TECRL: variants seen among roughly 807,000 people sequenced by gnomAD.
The protein encoded by TECRL is trans-2,3-enoyl-CoA reductase like, also known as trans-2,3-enoyl-CoA reductase-like.
A neutral mutation model predicts 52.8 loss-of-function variants in TECRL; 63 were observed. That is an observed-to-expected ratio of 1.19 (90% CI 0.97 to 1.47). The LOEUF is 1.47. Among genes scored for constraint, TECRL ranks in the 40% most tolerant of loss-of-function variants. The probability of loss-of-function intolerance (pLI) is 0.00; values close to 1 mark genes in which losing one functional copy is unlikely to be tolerated. For missense variants in TECRL, 482 were observed against 429.6 expected (o/e 1.12, Z -1.08); for synonymous variants, 164 against 141.9 (o/e 1.16, Z -1.10).
intron 1 of TECRL, 37 bp downstream of exon 1, chr4:64,409,081 T>TAAAC (rs762674486): frequency 2.1e-6 from 3 of 1,444,902 alleles, no homozygotes; most frequent in African/African-American, 1.4e-5. Flanking sequence ...AAGAAACACT[T>TAAAC]AAACAAACAA....
At chr4:64,368,240 A>T (rs904897780) in intron 2 of TECRL, among the ~76,000 whole-genome samples, 2 of 152,088 alleles carry the variant, frequency 1.3e-5, no homozygotes, top group Non-Finnish European at 1.5e-5. Flanking sequence ...CTATTTCTCC[A>T]TCTAAAATGT....
downstream of TECRL, chr4:64,277,151 C>CA (rs760996080): frequency 3.0e-5 from 24 of 791,754 alleles, 1 homozygote; most frequent in South Asian, 2.3e-5. Context: ...ATAACTGATA[C>CA]AAAAAAAGTA....
intron 8 of TECRL, among the ~76,000 whole-genome samples, chr4:64,290,460 T>C (rs534593396): frequency 6.6e-6 from 1 of 152,320 alleles, no homozygotes; most frequent in Non-Finnish European, 1.5e-5. Context: ...GTATTTGACA[T>C]ATAAATACTA....
intron 1 of TECRL, among the ~76,000 whole-genome samples, chr4:64,394,029 C>T (rs988427358): frequency 6.6e-6 from 1 of 151,942 alleles, no homozygotes; most frequent in Non-Finnish European, 1.5e-5. Flanking sequence ...TTTAGTTTTT[C>T]CTTCTTCAAA....
intron 3 of TECRL, among the ~76,000 whole-genome samples, chr4:64,324,118 A>G (rs995263321): frequency 7.2e-5 from 11 of 152,138 alleles, no homozygotes; most frequent in Non-Finnish European, 1.2e-4. Flanking sequence ...TAAAGGAGCT[A>G]CTCATAAGAT....
intron 2 of TECRL, among the ~76,000 whole-genome samples, chr4:64,337,726 T>G (rs1030718367): frequency 2.6e-5 from 4 of 152,158 alleles, no homozygotes; most frequent in African/African-American, 9.7e-5. Context: ...ACAAGGGATA[T>G]GAAGGACCTC....
intron 1 of TECRL, among the ~76,000 whole-genome samples, chr4:64,401,498 T>G (rs1724359733): frequency 6.6e-6 from 1 of 152,222 alleles, no homozygotes; most frequent in Non-Finnish European, 1.5e-5. Context: ...TACTCATAAC[T>G]AAATTTCTTT....
chr4:64,280,487 A>G (rs1332585826), intron 11 of TECRL, among the ~76,000 whole-genome samples: 2 of 152,162 alleles, frequency 1.3e-5, no homozygotes, highest in African/African-American at 4.8e-5. Context: ...AAAAATTTTC[A>G]ATAATAGTTG....
At chr4:64,305,263 A>C in intron 6 of TECRL, 25 bp from the exon 7 acceptor site, 1 of 1,597,360 alleles carries the variant, frequency 6.3e-7, no homozygotes, top group African/African-American at 1.3e-5. Flanking sequence ...AAACAAAATA[A>C]AAGTTAGGAA....
At position 64,309,715 on chromosome 4, in the gene TECRL, C is replaced by G. The variant is rs1724552640; in HGVS notation, c.657+111G>C. On this transcript the variant is annotated intron_variant, in intron 6 of 11. Coordinates refer to ENST00000381210, the MANE Select transcript of TECRL (RefSeq NM_001010874.5). ...AAAAGAATGTTTAAGTATGCTTATG[C>G]AATTAAACGTGAAAATCTAAGTTTC... The G allele has an allele frequency of 5.3e-6, 4 of 750,938 alleles. No individual in the cohort carries two copies. In the African/African-American group the frequency reaches 7.2e-5, roughly 13 times the overall value. The allele number at this position is 750,938 out of a possible 1,614,324, so 46.5% of individuals were successfully genotyped here.
intron 9 of TECRL, among the ~76,000 whole-genome samples, chr4:64,285,046 C>A (rs945135012): frequency 6.6e-6 from 1 of 151,990 alleles, no homozygotes; most frequent in African/African-American, 2.4e-5. Flanking sequence ...GACTGTTAGA[C>A]AAAGTGGGTT....
chr4:64,310,970 T>C (rs1478187796), intron 5 of TECRL, among the ~76,000 whole-genome samples: 3 of 152,202 alleles, frequency 2.0e-5, no homozygotes. Flanking sequence ...TCAACTTGCC[T>C]GGGGTTCCCC....
At chr4:64,338,183 A>T (rs576659249) in intron 2 of TECRL, among the ~76,000 whole-genome samples, 17 of 152,314 alleles carry the variant, frequency 1.1e-4, no homozygotes, top group Admixed American at 8.5e-4. Flanking sequence ...AAATAGGGAA[A>T]GGATTCCCTA....
intron 1 of TECRL, among the ~76,000 whole-genome samples, chr4:64,392,471 A>T (rs1243220004): frequency 6.6e-6 from 1 of 151,892 alleles, no homozygotes; most frequent in Non-Finnish European, 1.5e-5. Flanking sequence ...TCTCTGAATG[A>T]TATAAGATAT....
intron 2 of TECRL, among the ~76,000 whole-genome samples, chr4:64,372,800 A>C (rs899087315): frequency 5.3e-5 from 8 of 151,670 alleles, no homozygotes; most frequent in Non-Finnish European, 1.2e-4. Flanking sequence ...GCCTGAAAAC[A>C]AACAATGTCA....
At chr4:64,371,308 T>C (rs1721958676) in intron 2 of TECRL, among the ~76,000 whole-genome samples, 1 of 151,134 alleles carries the variant, frequency 6.6e-6, no homozygotes, top group African/African-American at 2.4e-5. Context: ...AATTAAATTA[T>C]AATTATAACT....
intron 2 of TECRL, among the ~76,000 whole-genome samples, chr4:64,331,154 A>G (rs948847521): frequency 6.6e-6 from 1 of 152,124 alleles, no homozygotes; most frequent in African/African-American, 2.4e-5. Flanking sequence ...AGAGAGAACT[A>G]GAAAGAAATT....
chr4:64,290,070 T>C (rs1233182736), intron 8 of TECRL, among the ~76,000 whole-genome samples: 1 of 152,174 alleles, frequency 6.6e-6, no homozygotes, highest in Non-Finnish European at 1.5e-5. Context: ...ATGGGGAGAC[T>C]TCCAGATCAT....
At position 64,278,392 on chromosome 4, in the gene TECRL, T is replaced by C. The variant is rs1166270875; in HGVS notation, c.*1680A>G. The C allele has an allele frequency of 4.1e-6, 1 of 245,668 alleles. No homozygotes were observed. Among genetic ancestry groups the C allele is most frequent in the Non-Finnish European group, 6.5e-6 (1 of 153,836 alleles). 15.2% of individuals were successfully genotyped at this position (245,668 alleles called of 1,614,324 possible). ...GAACAATAAAAGAATTAAATTATTG[T>C]CAAAATAATGAGATTCAAGTAATTT... On this transcript the variant is annotated 3_prime_UTR_variant, in exon 12 of 12. Transcript: ENST00000381210.
Sources: allele counts gnomAD v4.1 joint callset (sites outside exome capture counted in the v4.1 genomes callset), GRCh38; gene constraint gnomAD v4.1.1; transcripts MANE v1.5; gene names NCBI Gene and HGNC (gene_info 2026-07-23, HGNC 2026-07-21).